DOCK4: variants seen among roughly 807,000 people sequenced by gnomAD.
DOCK4 encodes dedicator of cytokinesis 4.
Under a neutral mutation model 268.1 loss-of-function variants are expected in DOCK4, and 97 were observed. The observed-to-expected ratio is 0.36, with a 90% confidence interval of 0.31 to 0.43. The LOEUF is 0.43. Among genes scored for constraint, DOCK4 ranks in the 20% least tolerant of loss-of-function variants. The pLI, the probability that DOCK4 is intolerant of heterozygous loss-of-function variation, is 1.00. For synonymous variants in DOCK4, 954 were observed against 887.2 expected (o/e 1.08, Z -1.34); for missense variants, 2,145 against 2,455.7 (o/e 0.87, Z 2.67).
chr7:111,921,644 A>G (rs996632458), intron 12 of DOCK4, among the ~76,000 whole-genome samples: 6 of 152,218 alleles, frequency 3.9e-5, no homozygotes, highest in Non-Finnish European at 8.8e-5. Context: ...GACTGCCTCA[A>G]TGTTAACCTC....
At chr7:112,042,539 G>A (rs1002594722) in intron 1 of DOCK4, among the ~76,000 whole-genome samples, 5 of 151,992 alleles carry the variant, frequency 3.3e-5, no homozygotes, top group African/African-American at 1.2e-4. Flanking sequence ...ATGCCACCAC[G>A]AATGACAAAA....
At position 111,728,404 on chromosome 7, in the gene DOCK4, A is replaced by G. The variant is rs1489064593; in HGVS notation, c.5798T>C (p.Val1933Ala). The part of the protein sequence containing the change: ...VPLPHSLSIP[V>A]TSEPPALPPK... ...GGGCAGCGCGGGCGGCTCCGACGTG[A>G]CGGGGATGGAGAGGCTGTGAGGTAG... Residue 1933 changes from valine (V) to alanine (A), a missense_variant, in exon 53 of 53, where the codon GTC (valine) becomes GCC (alanine). Coordinates refer to ENST00000428084, the MANE Select transcript of DOCK4 (RefSeq NM_001363540.2). The G allele has an allele frequency of 5.1e-6, 8 of 1,566,274 alleles. No homozygotes were observed. The highest frequency in any genetic ancestry group is 1.8e-5 in the Admixed American group (1 of 56,458).
chr7:112,129,088 A>G (rs1439461676), intron 1 of DOCK4, among the ~76,000 whole-genome samples: 3 of 152,192 alleles, frequency 2.0e-5, no homozygotes, highest in Non-Finnish European at 4.4e-5. Flanking sequence ...TGCTCACAAA[A>G]AAATCTGTAC....
At chr7:111,789,625 T>C (rs1799397286) in intron 31 of DOCK4, among the ~76,000 whole-genome samples, 1 of 152,242 alleles carries the variant, frequency 6.6e-6, no homozygotes, top group Non-Finnish European at 1.5e-5. Flanking sequence ...ATCTATTAGC[T>C]TTCTTGAAAA....
chr7:111,976,384 T>C (rs1463929865), intron 8 of DOCK4, among the ~76,000 whole-genome samples: 1 of 142,450 alleles, frequency 7.0e-6, no homozygotes, highest in African/African-American at 2.6e-5. Flanking sequence ...CATGGTACAG[T>C]TGGGTCATTG....
chr7:112,121,378 G>A lies in DOCK4; in HGVS notation c.37+84724C>T, dbSNP rs75676150. ...CCCCACATTCCCCTATGTGTTCTGC[G>A]GAGCACAGGCTCCTAGTGCTTCTTA... On this transcript the variant is annotated intron_variant, in intron 1 of 52. Transcript: ENST00000428084. Among the ~76,000 whole-genome samples, 160 of 152,246 alleles carry A rather than the reference G, an allele frequency of 1.1e-3. 3 individuals carry two copies. The East Asian group carries it at 0.029, about 27-fold the overall frequency.
intron 42 of DOCK4, among the ~76,000 whole-genome samples, chr7:111,751,105 A>G (rs1796608544): frequency 6.6e-6 from 1 of 152,328 alleles, no homozygotes; most frequent in South Asian, 2.1e-4. Context: ...CCAACATCAC[A>G]CACACACACG....
intron 1 of DOCK4, among the ~76,000 whole-genome samples, chr7:112,087,053 A>G (rs562638423): frequency 4.5e-4 from 69 of 152,038 alleles, no homozygotes; most frequent in African/African-American, 1.5e-3. Flanking sequence ...TCAGAGTTCT[A>G]TATTTTGTGG....
intron 5 of DOCK4, among the ~76,000 whole-genome samples, chr7:111,993,016 A>G (rs1473166351): frequency 6.6e-6 from 1 of 152,188 alleles, no homozygotes; most frequent in East Asian, 1.9e-4. Flanking sequence ...TACAAAACCT[A>G]TGCTCCGCCA....
chr7:111,912,967 CTTT>C (rs754624578), intron 13 of DOCK4, among the ~76,000 whole-genome samples: 5 of 141,520 alleles, frequency 3.5e-5, no homozygotes, highest in Non-Finnish European at 3.1e-5. Flanking sequence ...TAGAAATTTC[CTTT>C]TTTTTTTTTT....
chr7:112,094,368 T>TA (rs1420270293), intron 1 of DOCK4, among the ~76,000 whole-genome samples: 1 of 152,180 alleles, frequency 6.6e-6, no homozygotes, highest in Non-Finnish European at 1.5e-5. Context: ...TCCCAAATGA[T>TA]AGTTATATCA....
chr7:111,889,754 T>C (rs6960436), intron 16 of DOCK4, among the ~76,000 whole-genome samples: 43,806 of 152,070 alleles, frequency 0.29, 6,726 homozygotes, highest in African/African-American at 0.39. Flanking sequence ...ACTGTCTATG[T>C]CATCATATTA....
In DOCK4 at chr7:111,876,748, G is replaced by GTT. The variant is rs201760586; in HGVS notation, c.1744+280_1744+281dup. Reference sequence around the variant, plus strand: ...ACGAGATTAAGGTGTTGGTATTTTCGTTTTTTTTTTTTTTTTCAAAGCATC... The same window carrying GTT: ...ACGAGATTAAGGTGTTGGTATTTTCGTTTTTTTTTTTTTTTTTTCAAAGCATC... On this transcript the variant is annotated intron_variant, in intron 17 of 52. Transcript: ENST00000428084. 2.2e-3 allele frequency among the ~76,000 whole-genome samples: 268 copies of GTT among 124,050 alleles called. 3 individuals carry two copies. The highest frequency in any genetic ancestry group is 0.013 in the Middle Eastern group (3 of 234). The allele number at this position is 124,050 out of a possible 152,430, so 81.4% of individuals were successfully genotyped here.
At chr7:111,976,471 GTTTAAC>G (rs1798216541) in intron 8 of DOCK4, 1 of 150,696 alleles carries the variant, frequency 6.6e-6, no homozygotes, top group South Asian at 2.1e-4. Flanking sequence ...CAAGTTTTGT[GTTTAAC>G]TTTAAAACAA....
At chr7:111,775,756 GGGCAGTGGCAGT>G (rs1044081724) in intron 36 of DOCK4, among the ~76,000 whole-genome samples, 2 of 152,198 alleles carry the variant, frequency 1.3e-5, no homozygotes, top group African/African-American at 4.8e-5. Flanking sequence ...GTGGCAGTGG[GGGCAGTGGCAGT>G]GGCAGTGGCA....
At chr7:112,200,725 T>TAAATAA (rs1820836476) in intron 1 of DOCK4, among the ~76,000 whole-genome samples, 1 of 102,766 alleles carries the variant, frequency 9.7e-6, no homozygotes, top group African/African-American at 3.3e-5. Flanking sequence ...GCCTCTAAAA[T>TAAATAA]AAAAAAAAAA....
intron 1 of DOCK4, among the ~76,000 whole-genome samples, chr7:112,173,018 T>A (rs565467898): frequency 9.2e-5 from 14 of 152,308 alleles, no homozygotes; most frequent in Non-Finnish European, 1.9e-4. Context: ...GAGCCCTTCA[T>A]GACTACCAGT....
intron 42 of DOCK4, among the ~76,000 whole-genome samples, chr7:111,750,788 G>A (rs1224197798): frequency 6.6e-6 from 1 of 152,152 alleles, no homozygotes; most frequent in Non-Finnish European, 1.5e-5. Flanking sequence ...GAGCCATTTT[G>A]AAGATGCTCC....
intron 30 of DOCK4, among the ~76,000 whole-genome samples, chr7:111,794,826 C>T (rs888375315): frequency 2.0e-5 from 3 of 152,152 alleles, no homozygotes; most frequent in Non-Finnish European, 4.4e-5. Context: ...AATCACTCTC[C>T]TAGGAATGGG....
Sources: gnomAD v4.1 joint callset for allele counts (sites outside exome capture counted in the v4.1 genomes callset) on GRCh38, gnomAD v4.1.1 for gene constraint, MANE v1.5 for transcripts, NCBI Gene and HGNC (gene_info 2026-07-23, HGNC 2026-07-21) for gene names.